The following CDH11 variants were observed in gnomAD, a reference collection of about 807,000 sequenced individuals.
CDH11 encodes the protein cadherin 11.
In CDH11, 11 loss-of-function variants were observed where a neutral mutation model predicts 67.8. The observed-to-expected ratio is 0.16, with a 90% CI of 0.10 to 0.27. The LOEUF (loss-of-function observed/expected upper bound fraction) is 0.27, where lower values mean the gene tolerates loss of function less well. Ranked by LOEUF, CDH11 falls within the 10% of genes least tolerant of loss-of-function variation. CDH11 has a pLI of 1.00. For synonymous variants in CDH11, 419 were observed against 400.0 expected (o/e 1.05, Z -0.57); for missense variants, 847 against 1,031.2 (o/e 0.82, Z 2.45).
intron 2 of CDH11, among the ~76,000 whole-genome samples, chr16:65,037,443 T>C (rs2073774767): frequency 5.9e-5 from 9 of 152,210 alleles, no homozygotes. Context: ...TGGAACTGTG[T>C]AGACTTGCAC....
Position 64,945,363 on chromosome 16 carries a change from C to A in CDH11, c.*2240G>T, listed in dbSNP as rs938376147. 2.0e-6 allele frequency: 2 copies of A among 998,456 alleles called. No individual in the cohort carries two copies. The highest frequency in any genetic ancestry group is 1.2e-6 in the Non-Finnish European group (1 of 828,304). 61.8% of individuals were successfully genotyped at this position (998,456 alleles called of 1,614,324 possible). The stretch of plus-strand genomic sequence containing the variant: ...TTCTTAACTACTGAAAAGTAAACAG[C>A]CTTTTTAAAAAAGACTTCAACATAA... On this transcript the variant is annotated 3_prime_UTR_variant, in exon 13 of 13. Transcript: ENST00000268603.
intron 8 of CDH11, 81 bp from the exon 9 acceptor site, chr16:64,973,121 T>A: frequency 7.6e-6 from 10 of 1,319,202 alleles, no homozygotes; most frequent in Non-Finnish European, 1.1e-5. Flanking sequence ...ATGCTATATT[T>A]AAATCAAGCT....
At chr16:65,109,282 A>G (rs982071030) in intron 1 of CDH11, among the ~76,000 whole-genome samples, 4 of 152,244 alleles carry the variant, frequency 2.6e-5, no homozygotes, top group Non-Finnish European at 5.9e-5. Flanking sequence ...GACCCATTAG[A>G]CAGGCTACCA....
chr16:65,064,781 TA>T (rs2074286763), intron 1 of CDH11, among the ~76,000 whole-genome samples: 1 of 152,228 alleles, frequency 6.6e-6, no homozygotes, highest in African/African-American at 2.4e-5. Context: ...TCTTCAAAAA[TA>T]TTTTTTTAAA....
intron 3 of CDH11, among the ~76,000 whole-genome samples, chr16:65,001,428 G>T (rs1055094153): frequency 1.3e-5 from 2 of 152,172 alleles, no homozygotes; most frequent in African/African-American, 4.8e-5. Context: ...CATCTTAGGG[G>T]AGGCTTACCT....
At chr16:65,008,758 G>A (rs1243948767) in intron 2 of CDH11, among the ~76,000 whole-genome samples, 1 of 152,126 alleles carries the variant, frequency 6.6e-6, no homozygotes, top group African/African-American at 2.4e-5. Flanking sequence ...AGTTCATAAG[G>A]AAATTATACG....
intron 2 of CDH11, among the ~76,000 whole-genome samples, chr16:65,005,363 G>A (rs772786652): frequency 4.6e-5 from 7 of 152,136 alleles, no homozygotes; most frequent in African/African-American, 7.2e-5. Context: ...ATAAGAAAAC[G>A]GGGAATTAAA....
At chr16:65,058,061 G>A (rs142177365) in intron 1 of CDH11, among the ~76,000 whole-genome samples, 46 of 152,084 alleles carry the variant, frequency 3.0e-4, no homozygotes, top group African/African-American at 1.0e-3. Context: ...ATGGCGAAAC[G>A]TGTAAAAAAA....
chr16:65,084,079 G>A (rs552898042), intron 1 of CDH11, among the ~76,000 whole-genome samples: 1 of 152,262 alleles, frequency 6.6e-6, no homozygotes, highest in South Asian at 2.1e-4. Flanking sequence ...GTCAAGAATT[G>A]TCCTGTTCAA....
Position 65,072,510 on chromosome 16 carries a change from AT to A in CDH11, c.-297-18583del, listed in dbSNP as rs373529020. 9.0e-3 allele frequency among the ~76,000 whole-genome samples: 1,354 copies of A among 150,554 alleles called. 4 individuals are homozygous for A. The highest frequency in any genetic ancestry group is 0.019 in the South Asian group (89 of 4,728). On this transcript the variant is annotated intron_variant, in intron 1 of 12. Transcript: ENST00000268603. ...TGAACTAACAGCATCTTCTTGTCCA[AT>A]TTTTTTTTTAAATTGGCAGCCAAAA...
At chr16:65,082,258 C>T (rs1020833725) in intron 1 of CDH11, among the ~76,000 whole-genome samples, 1 of 152,142 alleles carries the variant, frequency 6.6e-6, no homozygotes, top group Non-Finnish European at 1.5e-5. Flanking sequence ...ATAGAAAGCT[C>T]ACACTTTAAC....
chr16:65,095,890 G>C (rs1234511534), intron 1 of CDH11, among the ~76,000 whole-genome samples: 1 of 152,182 alleles, frequency 6.6e-6, no homozygotes, highest in African/African-American at 2.4e-5. Context: ...TGAATCAAAA[G>C]AGCTCCCTGC....
chr16:64,949,571 C>T (rs1278407797), intron 12 of CDH11, among the ~76,000 whole-genome samples: 2 of 152,022 alleles, frequency 1.3e-5, no homozygotes, highest in East Asian at 3.9e-4. Context: ...GGATTACAGG[C>T]ATGCACCAAC....
chr16:64,995,278 T>C (rs2072735541), intron 4 of CDH11, among the ~76,000 whole-genome samples: 2 of 151,884 alleles, frequency 1.3e-5, no homozygotes. Context: ...AGAGCCCGAA[T>C]AGTCAAAGCA....
rs150888579 is a variant in CDH11, at chr16:64,973,287, C to T, written c.1254-247G>A. ...GTTTAGCATATTTGATTGAGAAGTACAATAATGTGGTGCATATTTCTCCAT... is the reference window on the plus strand; with the variant it reads ...GTTTAGCATATTTGATTGAGAAGTATAATAATGTGGTGCATATTTCTCCAT... On this transcript the variant is annotated intron_variant, in intron 8 of 12. Coordinates refer to ENST00000268603, the MANE Select transcript of CDH11 (RefSeq NM_001797.4). 2.2e-3 allele frequency among the ~76,000 whole-genome samples: 342 copies of T among 152,232 alleles called. 3 individuals carry two copies. Among genetic ancestry groups the T allele is most frequent in the African/African-American group, 7.6e-3 (314 of 41,542 alleles).
intron 2 of CDH11, among the ~76,000 whole-genome samples, chr16:65,045,622 T>C (rs945243709): frequency 3.8e-4 from 57 of 151,944 alleles, no homozygotes; most frequent in African/African-American, 1.4e-3. Context: ...AGTCCCCCAC[T>C]GCACAAAGGA....
rs768038471 is a variant in CDH11 at position 64,988,267 on chromosome 16, T to A, written c.889A>T (p.Ile297Phe). ...VGRVKAKDPD[I>F]GENGLVTYNI... ...TATGTGACTAAGCCATTTTCTCCAA[T>A]GTCTGGATCTTTAGCTTTCACTCTT... Residue 297 changes from isoleucine to phenylalanine, a missense_variant, in exon 7 of 13, where the codon ATT becomes TTT. By Grantham distance (21) the Ile-to-Phe change is conservative. Transcript: ENST00000268603. 6.2e-7 allele frequency: 1 copy of A among 1,613,724 alleles called. No individual in the cohort carries two copies. Among genetic ancestry groups the A allele is most frequent in the Non-Finnish European group, 8.5e-7 (1 of 1,179,796 alleles).
At chr16:65,003,445 C>T (rs187680851) in intron 3 of CDH11, among the ~76,000 whole-genome samples, 126 of 152,038 alleles carry the variant, frequency 8.3e-4, no homozygotes, top group African/African-American at 2.5e-3. Flanking sequence ...TTAGTAGAGA[C>T]GGGGTTTCAC....
At chr16:65,077,029 G>A (rs11862311) in intron 1 of CDH11, among the ~76,000 whole-genome samples, 5,722 of 152,132 alleles carry the variant, frequency 0.038, 383 homozygotes, top group African/African-American at 0.13. Flanking sequence ...CCCATTGAGG[G>A]CATATCAGGA....
Sources: allele counts gnomAD v4.1 joint callset (sites outside exome capture counted in the v4.1 genomes callset), GRCh38; gene constraint gnomAD v4.1.1; transcripts MANE v1.5; gene names NCBI Gene and HGNC (gene_info 2026-07-23, HGNC 2026-07-21).